The following MAN2B1 variants were observed in gnomAD, a reference collection of about 807,000 sequenced individuals.
MAN2B1 encodes mannosidase alpha class 2B member 1.
Under a neutral mutation model 127.5 loss-of-function variants are expected in MAN2B1, and 99 were observed. The observed-to-expected ratio is 0.78, with a 90% CI of 0.66 to 0.92. MAN2B1 has a LOEUF of 0.92. MAN2B1 is among the 40% of genes least tolerant of loss of function. MAN2B1 has a pLI of 0.00. For missense variants in MAN2B1, 1,304 were observed against 1,384.8 expected, an observed-to-expected ratio of 0.94 and a Z score of 0.93; for synonymous variants, 573 against 568.8, an observed-to-expected ratio of 1.01 and a Z score of -0.11.
rs2023936818 is a variant in MAN2B1, at chr19:12,655,698, T to G, written c.1826A>C (p.Asn609Thr). 6.2e-7 allele frequency: 1 copy of G among 1,609,274 alleles called. No homozygotes were observed. Among genetic ancestry groups the G allele is most frequent in the South Asian group, 1.1e-5 (1 of 90,730 alleles). Residue 609 changes from asparagine to threonine, a missense_variant, in exon 14 of 24, where the codon AAT becomes ACT. By Grantham distance (65) the Asn-to-Thr change is moderately conservative (BLOSUM62 0). Coordinates refer to ENST00000456935, the MANE Select transcript of MAN2B1 (RefSeq NM_000528.4). ...GGGATTGAAATGGGGTCTCACCTCA[T>G]TTTCGATGGTTAAAGCAGGGGACCA... Reference protein sequence around the residue: ...RSWSPALTIENEHIRATFDPD... With the variant: ...RSWSPALTIETEHIRATFDPD...
chr19:12,652,222 G>T lies in MAN2B1; in HGVS notation c.1977C>A (p.Ala659=), dbSNP rs777266564. The T allele has an allele frequency of 2.5e-6, 4 of 1,614,140 alleles. No homozygotes were observed. In the South Asian group the frequency reaches 4.4e-5, roughly 18 times the overall value. ...TCTGTTGGTTGGGTCTGAAGATGTA[G>T]GCACCTGAGGCCTGGTCACTTTCGT... ...GDNESDQASG[A]YIFRPNQQKP... Residue 659 remains alanine (A), a synonymous_variant, in exon 16 of 24, where the codon GCC becomes GCA. Transcript: ENST00000456935.
intron 3 of MAN2B1, 57 bp downstream of exon 3, chr19:12,665,295 T>G (rs2024203792): frequency 1.3e-6 from 2 of 1,587,614 alleles, no homozygotes; most frequent in South Asian, 2.2e-5. Flanking sequence ...AAACCAGAGA[T>G]GCAGAAGCAG....
Position 12,647,937 on chromosome 19 carries a change from G to A in MAN2B1, c.2664+238C>T, listed in dbSNP as rs1292896459. Among the ~76,000 whole-genome samples, 2 of 152,124 alleles carry A rather than the reference G, an allele frequency of 1.3e-5. No individual in the cohort carries two copies. Among genetic ancestry groups the A allele is most frequent in the African/African-American group, 2.4e-5 (1 of 41,438 alleles). ...GCGGGGCTAAAGTGAAATGGGCGGG[G>A]CCGGAGGTGAGTTGGTGGTTTAGGG... On this transcript the variant is annotated intron_variant, in intron 21 of 23. Coordinates refer to ENST00000456935, the MANE Select transcript of MAN2B1 (RefSeq NM_000528.4). The surrounding 1 kb of genome is among the most constrained non-coding windows in gnomAD (Gnocchi z 4.9).
chr19:12,666,511 C>A, intron 1 of MAN2B1, 32 bp downstream of exon 1: 1 of 1,564,154 alleles, frequency 6.4e-7, no homozygotes, highest in Non-Finnish European at 8.7e-7. Context: ...CACTCTGCCT[C>A]CTGTACGTTT....
In MAN2B1 at chr19:12,650,119, C is replaced by T. The variant is rs1223185546; in HGVS notation, c.2150G>A (p.Gly717Glu). The T allele has an allele frequency of 6.2e-7, 1 of 1,613,994 alleles. No homozygotes were observed. The highest frequency in any genetic ancestry group is 1.1e-5 in the South Asian group (1 of 91,078). Reference protein sequence around the residue: ...QRHLELEWSVGPIPVGDTWGK... With the variant: ...QRHLELEWSVEPIPVGDTWGK... Reference sequence around the variant, plus strand: ...TGCCACTCACCCCACAGGTATCGGCCCCACCGACCACTCTAGCTCCAGGTG... The same window carrying T: ...TGCCACTCACCCCACAGGTATCGGCTCCACCGACCACTCTAGCTCCAGGTG... Residue 717 changes from glycine to glutamate, a missense_variant, in exon 17 of 24, where the codon GGG (glycine) becomes GAG (glutamate). Transcript: ENST00000456935.
chr19:12,664,350 C>G (rs1217101706), intron 4 of MAN2B1, among the ~76,000 whole-genome samples: 1 of 151,216 alleles, frequency 6.6e-6, no homozygotes, highest in Non-Finnish European at 1.5e-5. Context: ...CATCAGAACC[C>G]AGGTTCACCT....
intron 3 of MAN2B1, 33 bp from the exon 4 acceptor site, chr19:12,665,018 G>T: frequency 1.3e-6 from 2 of 1,599,038 alleles, no homozygotes; most frequent in Non-Finnish European, 8.5e-7. Flanking sequence ...AGGGTCAGCG[G>T]TCAGAGCCAG....
At chr19:12,657,954 CAAAAAAAAAAA>C (rs35296973) in intron 10 of MAN2B1, 98 bp downstream of exon 10, 92 of 485,752 alleles carry the variant, frequency 1.9e-4, no homozygotes, top group East Asian at 8.1e-4. Flanking sequence ...GACTCCGTCT[CAAAAAAAAAAA>C]AAAAAAAAAA....
chr19:12,656,804 G>C, intron 12 of MAN2B1, 117 bp from the exon 13 acceptor site: 2 of 1,046,654 alleles, frequency 1.9e-6, no homozygotes, highest in Non-Finnish European at 3.0e-6. Flanking sequence ...TTAAGGCCAA[G>C]CCCCCTCGAG....
At position 12,657,430 on chromosome 19, in the gene MAN2B1, G is replaced by T. The variant is rs572897959; in HGVS notation, c.1419+16C>A. 368 of 1,545,822 alleles carry T rather than the reference G, an allele frequency of 2.4e-4. 2 individuals carry two copies. The East Asian group carries it at 5.6e-3, about 24-fold the overall frequency. Reference sequence around the variant, plus strand: ...CTGTCTCCACCCCCGTGTCTCCCAAGTCTCGCCCCGCGCACCTCGCAAGGC... The same window carrying T: ...CTGTCTCCACCCCCGTGTCTCCCAATTCTCGCCCCGCGCACCTCGCAAGGC... On this transcript the variant is annotated intron_variant, in intron 11 of 23. Transcript: ENST00000456935.
rs2023801468 is a variant in MAN2B1, at chr19:12,649,919, T to C, written c.2261A>G (p.Glu754Gly). The change falls in exon 18 of 24, where the codon GAG becomes GGG. Residue 754 changes from glutamate to glycine, a missense_variant. Physicochemically the swap from Glu to Gly is moderately conservative, Grantham distance 98. Transcript: ENST00000456935. ...YTDSNGREIL[E>G]RRRDYRPTWK... ...GCTCTCAGTCACCCCCCACCTCCTC[T>C]CCAGGATCTCCCGGCCATTGCTGTC... The C allele has an allele frequency of 6.3e-7, 1 of 1,591,392 alleles. No individual in the cohort carries two copies. Among genetic ancestry groups the C allele is most frequent in the Non-Finnish European group, 8.6e-7 (1 of 1,168,524 alleles).
chr19:12,663,719 G>A lies in MAN2B1; in HGVS notation c.747C>T (p.Thr249=), dbSNP rs61737536. ...GCCCCCTACCAGTGAAGAGGTCCGC[G>A]GTCGGGGGCTTCAGGCTGGTGCTGG... The part of the protein sequence containing the change: ...WRASTSLKPP[T]ADLFTGVLPN... The change falls in exon 5 of 24, where the codon ACC becomes ACT. Residue 249 remains threonine, a synonymous_variant. Coordinates refer to ENST00000456935, the MANE Select transcript of MAN2B1 (RefSeq NM_000528.4). The A allele has an allele frequency of 9.4e-3, 15,191 of 1,612,522 alleles. 1,246 individuals are homozygous for A. In the African/African-American group the frequency reaches 0.18, roughly 19 times the overall value.
In MAN2B1 at chr19:12,649,910, C is replaced by T. The variant is rs28639634; in HGVS notation, c.2267+3G>A. On this transcript the variant is annotated splice_donor_region_variant and intron_variant, in intron 18 of 23. Transcript: ENST00000456935. ...CCCCTCAGTGCTCTCAGTCACCCCCCACCTCCTCTCCAGGATCTCCCGGCC... is the reference window on the plus strand; with the variant it reads ...CCCCTCAGTGCTCTCAGTCACCCCCTACCTCCTCTCCAGGATCTCCCGGCC... 4 of 1,612,448 alleles carry T rather than the reference C, an allele frequency of 2.5e-6. No homozygotes were observed. The highest frequency in any genetic ancestry group is 3.4e-6 in the Non-Finnish European group (4 of 1,179,398).
Position 12,649,374 on chromosome 19 carries a change from G to A in MAN2B1, c.2322C>T (p.Asn774=). 6.2e-7 allele frequency: 1 copy of A among 1,612,692 alleles called. No homozygotes were observed. Among genetic ancestry groups the A allele is most frequent in the Admixed American group, 1.7e-5 (1 of 59,870 alleles). ...KLNQTEPVAG[N]YYPVNTRIYI... ...AAATCCGGGTGTTGACTGGATAGTA[G>A]TTTCCTGCCACGGGCTCCGTCTGGT... Residue 774 remains asparagine (N), a synonymous_variant, in exon 19 of 24, where the codon AAC becomes AAT. Coordinates refer to ENST00000456935, the MANE Select transcript of MAN2B1 (RefSeq NM_000528.4).
intron 6 of MAN2B1, among the ~76,000 whole-genome samples, chr19:12,661,593 T>C (rs908477271): frequency 2.6e-5 from 4 of 152,170 alleles, no homozygotes; most frequent in Admixed American, 2.6e-4. Flanking sequence ...CACCATGCCA[T>C]GCTATCTCTT....
Position 12,649,672 on chromosome 19 carries a change from C to T in MAN2B1, c.2267+241G>A, listed in dbSNP as rs545254239. Among the ~76,000 whole-genome samples the T allele has an allele frequency of 5.9e-5, 9 of 151,648 alleles. No individual in the cohort carries two copies. In the East Asian group the frequency reaches 1.6e-3, roughly 26 times the overall value. ...GATTTTTTTGTATTTTTAGTAGAGA[C>T]GGGGTTTCACCATGTTAGCCAGGAT... On this transcript the variant is annotated intron_variant, in intron 18 of 23. Transcript: ENST00000456935.
rs762623634 is a variant in MAN2B1 at position 12,652,358 on chromosome 19, C to A, written c.1928+5G>T. ...CCACCCTCAGGCCTGGTGATCTTCC[C>A]TTACCAGAAGAAGGTCTGGCGAACA... On this transcript the variant is annotated splice_donor_5th_base_variant and intron_variant, in intron 15 of 23. Coordinates refer to ENST00000456935, the MANE Select transcript of MAN2B1 (RefSeq NM_000528.4). 4.4e-5 allele frequency: 71 copies of A among 1,613,616 alleles called. No individual in the cohort carries two copies. The highest frequency in any genetic ancestry group is 6.0e-5 in the Non-Finnish European group (71 of 1,179,626).
rs903868285 is a variant in MAN2B1 at position 12,661,748 on chromosome 19, G to A, written c.910-372C>T. Among the ~76,000 whole-genome samples the A allele has an allele frequency of 2.6e-5, 4 of 151,688 alleles. No individual in the cohort carries two copies. In the South Asian group the frequency reaches 6.2e-4, roughly 24 times the overall value. On this transcript the variant is annotated intron_variant, in intron 6 of 23. Coordinates refer to ENST00000456935, the MANE Select transcript of MAN2B1 (RefSeq NM_000528.4). ...CACACCTGTAATCCCAGCTACTCAG[G>A]AGACTGAGGCAGGAGGATCGCTTGA... is the stretch of plus-strand genomic sequence containing the variant.
Position 12,647,222 on chromosome 19 carries a change from C to T in MAN2B1, c.2923+11G>A, listed in dbSNP as rs977787836. ...ACTCCACCCCTTCCCTACCCCTGAC[C>T]AGGGCCCCACCTGTGTTTGTTGTCC... On this transcript the variant is annotated intron_variant, in intron 23 of 23. Transcript: ENST00000456935. The surrounding 1 kb of genome is among the most constrained non-coding windows in gnomAD (Gnocchi z 4.9). 1 of 1,610,838 alleles carries T rather than the reference C, an allele frequency of 6.2e-7. No homozygotes were observed. Among genetic ancestry groups the T allele is most frequent in the South Asian group, 1.1e-5 (1 of 91,004 alleles).
Sources: gnomAD v4.1 joint callset for allele counts (sites outside exome capture counted in the v4.1 genomes callset) on GRCh38, gnomAD v4.1.1 for gene constraint, Gnocchi (gnomAD v3.1) non-coding constraint, MANE v1.5 for transcripts, NCBI Gene and HGNC (gene_info 2026-07-23, HGNC 2026-07-21) for gene names.